The following DNAH6 variants were observed in gnomAD, a reference collection of about 807,000 sequenced individuals.
DNAH6 encodes the protein axonemal beta dynein heavy chain 6.
DNAH6 carries 340 observed loss-of-function variants against 491.4 expected under a neutral mutation model. That is an observed-to-expected ratio of 0.69 (90% CI 0.63 to 0.76). The LOEUF is 0.76. Among genes scored for constraint, DNAH6 ranks in the 30% least tolerant of loss-of-function variants. The pLI, the probability that DNAH6 is intolerant of heterozygous loss-of-function variation, is 0.00. For synonymous variants in DNAH6, 1,603 were observed against 1,686.1 expected, an observed-to-expected ratio of 0.95 and a Z score of 1.21; for missense variants, 4,443 against 4,972.2, an observed-to-expected ratio of 0.89 and a Z score of 3.20.
chr2:84,628,059 A>C (rs965147650), intron 29 of DNAH6, among the ~76,000 whole-genome samples: 16 of 152,166 alleles, frequency 1.1e-4, no homozygotes, highest in Non-Finnish European at 1.8e-4. Flanking sequence ...GAAAACAGCA[A>C]GGTCACATTT....
In DNAH6 at chr2:84,718,379, T is replaced by C; in HGVS notation, c.9787T>C (p.Ser3263Pro). 1 of 1,525,542 alleles carries C rather than the reference T, an allele frequency of 6.6e-7. No individual in the cohort carries two copies. Among genetic ancestry groups the C allele is most frequent in the East Asian group, 2.5e-5 (1 of 40,488 alleles). 94.5% of individuals were successfully genotyped at this position (1,525,542 alleles called of 1,614,324 possible). ...AGAACTTATTGACACACTCCAGGATTCAAAGGCAAGTAAAATATTTTTAGT... is the reference window on the plus strand; with the variant it reads ...AGAACTTATTGACACACTCCAGGATCCAAAGGCAAGTAAAATATTTTTAGT... ...NEELIDTLQD[S>P]KITSGAIKTR... Residue 3263 changes from serine (S) to proline (P), a missense_variant, in exon 59 of 77, where the codon TCA becomes CCA. Ser to Pro is a moderately conservative substitution (Grantham distance 74). Transcript: ENST00000389394.
the DNAH6 span, among the ~76,000 whole-genome samples, chr2:84,492,536 C>T: frequency 6.6e-6 from 1 of 152,164 alleles, no homozygotes; most frequent in Non-Finnish European, 1.5e-5. Flanking sequence ...TGTTAAATCA[C>T]TTACTATTCA....
chr2:84,803,370 G>C (rs1218223374), intron 70 of DNAH6, among the ~76,000 whole-genome samples: 2 of 152,154 alleles, frequency 1.3e-5, no homozygotes, highest in Non-Finnish European at 2.9e-5. Flanking sequence ...TTTGGGTGAT[G>C]AAGTTCAATA....
intron 22 of DNAH6, among the ~76,000 whole-genome samples, chr2:84,615,294 C>T (rs925166814): frequency 6.6e-6 from 1 of 152,068 alleles, no homozygotes; most frequent in Non-Finnish European, 1.5e-5. Flanking sequence ...ATAGGGTATC[C>T]TTTTCCCACT....
chr2:84,775,119 T>C (rs1486493703), intron 64 of DNAH6, among the ~76,000 whole-genome samples: 1 of 152,200 alleles, frequency 6.6e-6, no homozygotes, highest in Non-Finnish European at 1.5e-5. Flanking sequence ...TTTTTCCCAT[T>C]CAGTATGATG....
chr2:84,808,123 G>GTA (rs57975328), intron 71 of DNAH6, among the ~76,000 whole-genome samples: 5,712 of 137,038 alleles, frequency 0.042, 130 homozygotes, highest in Middle Eastern at 0.076. Context: ...AAAAAAAAGT[G>GTA]TATATATATG....
intron 4 of DNAH6, among the ~76,000 whole-genome samples, chr2:84,536,819 CA>C (rs1477319807): frequency 1.3e-5 from 2 of 152,012 alleles, no homozygotes; most frequent in South Asian, 2.1e-4. Flanking sequence ...GTAGCTACTT[CA>C]AAAAAGTTAT....
intron 59 of DNAH6, among the ~76,000 whole-genome samples, chr2:84,720,683 G>T (rs1445340900): frequency 6.6e-6 from 1 of 152,094 alleles, no homozygotes; most frequent in Non-Finnish European, 1.5e-5. Flanking sequence ...CCATTTTTCT[G>T]GGTCTGCTAA....
the DNAH6 span, among the ~76,000 whole-genome samples, chr2:84,469,573 G>A: frequency 6.6e-6 from 1 of 152,172 alleles, no homozygotes; most frequent in Admixed American, 6.5e-5. The surrounding 1 kb of genome is among the most constrained non-coding windows in gnomAD (Gnocchi z 4.0). Context: ...GCCTGTGGCA[G>A]CGTGGGGAAG....
At chr2:84,773,907 C>T (rs1675877659) in intron 64 of DNAH6, among the ~76,000 whole-genome samples, 1 of 151,978 alleles carries the variant, frequency 6.6e-6, no homozygotes, top group African/African-American at 2.4e-5. Context: ...CTATTCATAT[C>T]TTTTGTCCAC....
intron 58 of DNAH6, 119 bp downstream of exon 58, chr2:84,715,746 TAATCAAAAAAA>T: frequency 1.1e-6 from 1 of 930,006 alleles, no homozygotes. Context: ...CATGAACCCT[TAATCAAAAAAA>T]AATACAAGTA....
At chr2:84,591,703 A>G (rs1684134784) in intron 16 of DNAH6, among the ~76,000 whole-genome samples, 1 of 152,216 alleles carries the variant, frequency 6.6e-6, no homozygotes, top group African/African-American at 2.4e-5. Context: ...TTCCTAATCT[A>G]AAAACATATT....
chr2:84,684,587 A>G (rs980762069), intron 42 of DNAH6, among the ~76,000 whole-genome samples: 7 of 152,238 alleles, frequency 4.6e-5, no homozygotes, highest in Non-Finnish European at 8.8e-5. Flanking sequence ...ATCATTATCT[A>G]TAGAAATACC....
In DNAH6 at chr2:84,733,447, C is replaced by A; in HGVS notation, c.10210C>A (p.Arg3404Ser). ...TTCATTTTCTGTCTTCAAACAGGAACGCCCACCTAAGCCTGAAGCTCCCTG... is the reference window on the plus strand; with the variant it reads ...TTCATTTTCTGTCTTCAAACAGGAAAGCCCACCTAAGCCTGAAGCTCCCTG... ...LRGSAGLEKE[R>S]PPKPEAPWLP... is the part of the protein sequence containing the mutation. Residue 3404 changes from arginine to serine, a missense_variant, in exon 62 of 77, where the codon CGC becomes AGC. Arg to Ser is a moderately radical substitution (Grantham distance 110). Coordinates refer to ENST00000389394, the MANE Select transcript of DNAH6 (RefSeq NM_001370.2). 6.5e-7 allele frequency: 1 copy of A among 1,549,998 alleles called. No homozygotes were observed. Among genetic ancestry groups the A allele is most frequent in the South Asian group, 1.2e-5 (1 of 83,836 alleles).
rs560712365 is a variant in DNAH6 at position 84,572,047 on chromosome 2, G to A, written c.1804-1420G>A. 2.6e-5 allele frequency among the ~76,000 whole-genome samples: 4 copies of A among 152,288 alleles called. No homozygotes were observed. The South Asian group carries it at 8.3e-4, about 32-fold the overall frequency. On this transcript the variant is annotated intron_variant, in intron 11 of 76. Coordinates refer to ENST00000389394, the MANE Select transcript of DNAH6 (RefSeq NM_001370.2). ...ATGAAATTCATTACTGGAACAAATG[G>A]TAGAATTTGTATGAGGTCGGTAATT... is the stretch of plus-strand genomic sequence containing the variant.
chr2:84,694,415 A>C lies in DNAH6; in HGVS notation c.7459A>C (p.Arg2487=). The C allele has an allele frequency of 6.4e-7, 1 of 1,552,290 alleles. No homozygotes were observed. The highest frequency in any genetic ancestry group is 8.7e-7 in the Non-Finnish European group (1 of 1,147,114). Reference sequence around the variant, plus strand: ...TTATGATAGTTTTCATGAAGACCTGAGGAAGTTGTACAAAATGGCTGGTGT... The same window carrying C: ...TTATGATAGTTTTCATGAAGACCTGCGGAAGTTGTACAAAATGGCTGGTGT... ...YNYDSFHEDL[R]KLYKMAGVED... The change falls in exon 46 of 77, where the codon AGG becomes CGG. Residue 2487 remains arginine, a synonymous_variant. Transcript: ENST00000389394.
intron 46 of DNAH6, among the ~76,000 whole-genome samples, chr2:84,695,929 A>G (rs1464229255): frequency 4.6e-5 from 7 of 152,040 alleles, no homozygotes; most frequent in African/African-American, 1.2e-4. Context: ...GGAAGCCCCA[A>G]TCAATCTCAA....
chr2:84,775,900 T>A (rs1676074176), intron 64 of DNAH6, among the ~76,000 whole-genome samples: 2 of 152,208 alleles, frequency 1.3e-5, no homozygotes, highest in Admixed American at 6.5e-5. Context: ...GGATCTTCTC[T>A]CTTTTTTCTT....
intron 23 of DNAH6, among the ~76,000 whole-genome samples, chr2:84,619,093 T>C (rs1333640465): frequency 6.6e-6 from 1 of 152,224 alleles, no homozygotes; most frequent in Non-Finnish European, 1.5e-5. Flanking sequence ...ATATAAATGT[T>C]TTATTTCTAC....
Sources: allele counts gnomAD v4.1 joint callset (sites outside exome capture counted in the v4.1 genomes callset), GRCh38; gene constraint gnomAD v4.1.1; non-coding constraint Gnocchi (gnomAD v3.1); transcripts MANE v1.5; gene names NCBI Gene and HGNC (gene_info 2026-07-23, HGNC 2026-07-21).